STAG1: variants seen among roughly 807,000 people sequenced by gnomAD.
The protein encoded by STAG1 is cohesin subunit SA-1.
Under a neutral mutation model 170.9 loss-of-function variants are expected in STAG1, and 26 were observed. The observed-to-expected ratio is 0.15, with a 90% CI of 0.11 to 0.21. The LOEUF is 0.21. STAG1 is among the 10% of genes least tolerant of loss of function. The probability of loss-of-function intolerance (pLI) is 1.00; values close to 1 mark genes in which losing one functional copy is unlikely to be tolerated. For missense variants in STAG1, 964 were observed against 1,509.5 expected, an observed-to-expected ratio of 0.64 and a Z score of 5.99; for synonymous variants, 514 against 497.7, an observed-to-expected ratio of 1.03 and a Z score of -0.44.
intron 12 of STAG1, among the ~76,000 whole-genome samples, chr3:136,467,873 C>A (rs922659299): frequency 6.6e-6 from 1 of 152,210 alleles, no homozygotes; most frequent in African/African-American, 2.4e-5. Flanking sequence ...AACTGCTCAA[C>A]TACACGGAAA....
At chr3:136,740,064 C>T (rs996308118) in intron 1 of STAG1, among the ~76,000 whole-genome samples, 3 of 151,962 alleles carry the variant, frequency 2.0e-5, no homozygotes, top group Admixed American at 1.3e-4. Context: ...ATCAATTATA[C>T]AGTACATTAT....
At chr3:136,386,706 T>G (rs776694932) in intron 22 of STAG1, among the ~76,000 whole-genome samples, 1 of 152,094 alleles carries the variant, frequency 6.6e-6, no homozygotes, top group Non-Finnish European at 1.5e-5. Flanking sequence ...ATTTTTTTTT[T>G]GGTATTTTTT....
intron 12 of STAG1, among the ~76,000 whole-genome samples, chr3:136,466,501 C>T (rs181121395): frequency 1.5e-4 from 23 of 152,154 alleles, no homozygotes; most frequent in East Asian, 1.2e-3. Context: ...TATGGGACTA[C>T]GTAAAAAGAC....
chr3:136,743,194 C>G (rs1391622330), intron 1 of STAG1, among the ~76,000 whole-genome samples: 1 of 152,050 alleles, frequency 6.6e-6, no homozygotes, highest in Non-Finnish European at 1.5e-5. Flanking sequence ...TAGTGAAACC[C>G]TGTCTCTACT....
chr3:136,398,832 G>A lies in STAG1; in HGVS notation c.2197-3C>T. 6.5e-7 allele frequency: 1 copy of A among 1,540,206 alleles called. No individual in the cohort carries two copies. Among genetic ancestry groups the A allele is most frequent in the African/African-American group, 1.4e-5 (1 of 71,712 alleles). ...CACTGCAGTGCTTGCACGACTATCTGTATCAAATGAAAAAAAATTTTTTTA... is the reference window on the plus strand; with the variant it reads ...CACTGCAGTGCTTGCACGACTATCTATATCAAATGAAAAAAAATTTTTTTA... On this transcript the variant is annotated splice_region_variant and splice_polypyrimidine_tract_variant and intron_variant, in intron 21 of 33. Transcript: ENST00000383202.
chr3:136,687,301 A>C (rs932713859), intron 1 of STAG1, among the ~76,000 whole-genome samples: 3 of 152,232 alleles, frequency 2.0e-5, no homozygotes, highest in Non-Finnish European at 2.9e-5. Flanking sequence ...ATACTTATTT[A>C]AGGTTCTATT....
intron 12 of STAG1, 24 bp from the exon 13 acceptor site, chr3:136,465,012 C>A (rs1231752443): frequency 3.2e-6 from 5 of 1,539,172 alleles, no homozygotes; most frequent in Non-Finnish European, 3.6e-6. Flanking sequence ...AAAGTAACAT[C>A]TGATCTAAAG....
chr3:136,686,820 G>A (rs1237723622), intron 1 of STAG1, among the ~76,000 whole-genome samples: 16 of 152,090 alleles, frequency 1.1e-4, no homozygotes. Flanking sequence ...ATGCATAAAT[G>A]CCTCCTTGTT....
chr3:136,369,410 A>C (rs1323019234), intron 23 of STAG1, 128 bp from the exon 24 acceptor site: 4 of 655,026 alleles, frequency 6.1e-6, no homozygotes, highest in Non-Finnish European at 6.8e-6. Context: ...TCAGTATTTA[A>C]ATTCCAAATA....
chr3:136,718,987 T>A (rs1933033796), intron 1 of STAG1, among the ~76,000 whole-genome samples: 1 of 152,108 alleles, frequency 6.6e-6, no homozygotes. Flanking sequence ...GAAAACAATT[T>A]AGCGGTTTCT....
intron 25 of STAG1, among the ~76,000 whole-genome samples, 174 bp from the exon 26 acceptor site, chr3:136,363,641 C>G (rs1277966513): frequency 6.7e-6 from 1 of 149,800 alleles, no homozygotes; most frequent in Non-Finnish European, 1.5e-5. Context: ...TTAAACATAA[C>G]AGGAGTTAAA....
chr3:136,452,122 C>T lies in STAG1; in HGVS notation c.1339G>A (p.Ala447Thr), dbSNP rs368370031. 6 of 1,613,068 alleles carry T rather than the reference C, an allele frequency of 3.7e-6. No individual in the cohort carries two copies. The African/African-American group carries it at 5.4e-5, about 14-fold the overall frequency. ...KKLFSRHDPQ[A>T]EEALAKRRGR... Reference sequence around the variant, plus strand: ...CTCCTCTTTGCTAATGCTTCTTCTGCTTGTGGGTCATGTCTGCTAAATAGC... The same window carrying T: ...CTCCTCTTTGCTAATGCTTCTTCTGTTTGTGGGTCATGTCTGCTAAATAGC... The change falls in exon 14 of 34, where the codon GCA becomes ACA. Residue 447 changes from alanine (A) to threonine (T), a missense_variant. Physicochemically the swap from Ala to Thr is moderately conservative, Grantham distance 58 (BLOSUM62 0). This residue lies in a region of STAG1 where 162 missense variants were observed against 211.2 expected (regional missense o/e 0.77). Transcript: ENST00000383202.
chr3:136,432,525 G>GA (rs1246290020), intron 16 of STAG1, among the ~76,000 whole-genome samples: 1 of 142,036 alleles, frequency 7.0e-6, no homozygotes. Flanking sequence ...GGGGGGGGGG[G>GA]GGCACAGAGT....
chr3:136,492,358 A>G (rs111549781), intron 9 of STAG1, among the ~76,000 whole-genome samples: 7 of 152,368 alleles, frequency 4.6e-5, no homozygotes, highest in African/African-American at 1.4e-4. Context: ...TGTTGTTTCT[A>G]CAAGGATAAT....
At chr3:136,740,799 CACAT>C (rs893638048) in intron 1 of STAG1, among the ~76,000 whole-genome samples, 5 of 152,228 alleles carry the variant, frequency 3.3e-5, no homozygotes, top group South Asian at 2.1e-4. Flanking sequence ...CTTACACACA[CACAT>C]ATTCACCAGA....
At chr3:136,460,549 C>A (rs550993055) in intron 13 of STAG1, among the ~76,000 whole-genome samples, 1 of 152,178 alleles carries the variant, frequency 6.6e-6, no homozygotes, top group South Asian at 2.1e-4. Flanking sequence ...TTGCAGTAAG[C>A]CGAGACTGTG....
chr3:136,478,462 A>G (rs1268624869), intron 9 of STAG1, among the ~76,000 whole-genome samples: 1 of 152,238 alleles, frequency 6.6e-6, no homozygotes, highest in Admixed American at 6.5e-5. Context: ...AAAAAATATT[A>G]ACTATAATAT....
chr3:136,475,449 C>A (rs1319514164), intron 10 of STAG1, among the ~76,000 whole-genome samples: 3 of 152,110 alleles, frequency 2.0e-5, no homozygotes, highest in African/African-American at 4.8e-5. Context: ...GCCCAGCCAA[C>A]AGGTTACTCT....
rs187223520 is a variant in STAG1, at chr3:136,554,290, A to G, written c.395-12095T>C. Among the ~76,000 whole-genome samples, 6 of 152,332 alleles carry G rather than the reference A, an allele frequency of 3.9e-5. No individual in the cohort carries two copies. The East Asian group carries it at 1.2e-3, about 29-fold the overall frequency. On this transcript the variant is annotated intron_variant, in intron 5 of 33. Transcript: ENST00000383202. ...TTAAGAAGAAATCAAGGAAAAATAC[A>G]TAAATCTACAACCATGATGTGGGAT...
Sources: gnomAD v4.1 joint callset for allele counts (sites outside exome capture counted in the v4.1 genomes callset) on GRCh38, gnomAD v4.1.1 for gene constraint, gnomAD v4.1.1 regional missense constraint, MANE v1.5 for transcripts, NCBI Gene and HGNC (gene_info 2026-07-23, HGNC 2026-07-21) for gene names.